Variants in ROBO2 observed in about 807,000 individuals in gnomAD.
ROBO2 encodes the protein roundabout homolog 2.
In ROBO2, 53 loss-of-function variants were observed where a neutral mutation model predicts 160.8. The ratio of observed to expected loss-of-function variants is 0.33; its 90% CI spans 0.26 to 0.41. The LOEUF is 0.41. Among genes scored for constraint, ROBO2 ranks in the 10% least tolerant of loss-of-function variants. The probability of loss-of-function intolerance (pLI) is 1.00; values close to 1 mark genes in which losing one functional copy is unlikely to be tolerated. For synonymous variants in ROBO2, 664 were observed against 611.7 expected, an observed-to-expected ratio of 1.09 and a Z score of -1.26; for missense variants, 1,577 against 1,722.4, an observed-to-expected ratio of 0.92 and a Z score of 1.49.
At chr3:76,803,975 A>G (rs762825486) in intron 2 of ROBO2, among the ~76,000 whole-genome samples, 1 of 152,192 alleles carries the variant, frequency 6.6e-6, no homozygotes, top group Non-Finnish European at 1.5e-5. Flanking sequence ...TCACACTTAC[A>G]TGGCTGGGCA....
chr3:77,145,849 C>G (rs766093869), intron 2 of ROBO2, among the ~76,000 whole-genome samples: 1 of 152,126 alleles, frequency 6.6e-6, no homozygotes, highest in Non-Finnish European at 1.5e-5. Flanking sequence ...GTTCTTCAGT[C>G]CAGTGTGGCA....
At chr3:76,289,105 C>T (rs1304249218) in intron 2 of ROBO2, among the ~76,000 whole-genome samples, 1 of 152,172 alleles carries the variant, frequency 6.6e-6, no homozygotes, top group African/African-American at 2.4e-5. Context: ...AATTTACATT[C>T]CCACCAGTAG....
intron 2 of ROBO2, among the ~76,000 whole-genome samples, chr3:77,010,758 A>G (rs962164359): frequency 6.6e-6 from 1 of 150,570 alleles, no homozygotes; most frequent in Non-Finnish European, 1.5e-5. Flanking sequence ...GTCAGTCTCT[A>G]TCCTCTGATT....
At chr3:76,630,584 G>A (rs9822438) in intron 2 of ROBO2, among the ~76,000 whole-genome samples, 3,792 of 152,134 alleles carry the variant, frequency 0.025, 156 homozygotes, top group African/African-American at 0.087. Flanking sequence ...TTTCATTTAA[G>A]GTAGAAGTTT....
chr3:76,588,449 T>C (rs2086199623), intron 2 of ROBO2, among the ~76,000 whole-genome samples: 1 of 152,224 alleles, frequency 6.6e-6, no homozygotes, highest in Non-Finnish European at 1.5e-5. Flanking sequence ...TAAGCAATAA[T>C]AATTTTCATA....
intron 21 of ROBO2, among the ~76,000 whole-genome samples, chr3:77,614,718 C>A (rs1243072030): frequency 6.7e-6 from 1 of 149,474 alleles, no homozygotes; most frequent in Non-Finnish European, 1.5e-5. Context: ...ATTATTCCCC[C>A]AAAAAACCAA....
intron 2 of ROBO2, among the ~76,000 whole-genome samples, chr3:76,196,066 T>A (rs1305515285): frequency 2.6e-5 from 4 of 152,164 alleles, no homozygotes; most frequent in Non-Finnish European, 5.9e-5. Context: ...ACAAGGAGCC[T>A]GGGTACATCA....
At chr3:77,359,013 C>A (rs2069539278) in intron 2 of ROBO2, among the ~76,000 whole-genome samples, 1 of 152,170 alleles carries the variant, frequency 6.6e-6, no homozygotes, top group South Asian at 2.1e-4. Flanking sequence ...TGACTGAAAG[C>A]CTTAACAGAA....
At chr3:76,256,543 C>A (rs543255280) in intron 2 of ROBO2, among the ~76,000 whole-genome samples, 1 of 151,644 alleles carries the variant, frequency 6.6e-6, no homozygotes, top group Non-Finnish European at 1.5e-5. Flanking sequence ...CCTGTCTCTA[C>A]AAAAAATAAA....
intron 2 of ROBO2, among the ~76,000 whole-genome samples, chr3:76,738,669 G>A (rs2107994615): frequency 6.6e-6 from 1 of 152,272 alleles, no homozygotes; most frequent in South Asian, 2.1e-4. Flanking sequence ...GATAAACACA[G>A]TTTAAATTGG....
At chr3:76,385,447 C>A (rs1437971976) in intron 2 of ROBO2, among the ~76,000 whole-genome samples, 1 of 152,164 alleles carries the variant, frequency 6.6e-6, no homozygotes, top group Non-Finnish European at 1.5e-5. Flanking sequence ...ATCTAGTTTA[C>A]AGAAACTGCA....
chr3:75,945,948 C>T lies in ROBO2; in HGVS notation c.109+8346C>T, dbSNP rs1576252763. ...ATATCTCTAAGTGGATACCTTTTAT[C>T]TCTACAGTCAAGATACTTGAAAGTG... On this transcript the variant is annotated intron_variant, in intron 2 of 26. Transcript: ENST00000487694. Among the ~76,000 whole-genome samples the T allele has an allele frequency of 3.9e-5, 6 of 152,182 alleles. No homozygotes were observed. In the South Asian group the frequency reaches 8.3e-4, roughly 21 times the overall value.
chr3:76,398,546 T>C (rs2077614598), intron 2 of ROBO2, among the ~76,000 whole-genome samples: 2 of 151,910 alleles, frequency 1.3e-5, no homozygotes, highest in African/African-American at 4.8e-5. Context: ...CTGGCAATTT[T>C]ACCACCTAAC....
chr3:76,283,872 GTCTT>G (rs1207745661), intron 2 of ROBO2, among the ~76,000 whole-genome samples: 1 of 151,912 alleles, frequency 6.6e-6, no homozygotes, highest in East Asian at 1.9e-4. Flanking sequence ...ATTACATGGG[GTCTT>G]CTCTATGAAA....
At chr3:77,601,040 A>C (rs1321662837) in intron 19 of ROBO2, among the ~76,000 whole-genome samples, 1 of 152,180 alleles carries the variant, frequency 6.6e-6, no homozygotes, top group African/African-American at 2.4e-5. Context: ...TAAGTTATGC[A>C]GTGTACAAAA....
At chr3:77,053,964 G>A (rs968460015) in intron 1 of ROBO2, among the ~76,000 whole-genome samples, 1 of 152,154 alleles carries the variant, frequency 6.6e-6, no homozygotes, top group African/African-American at 2.4e-5. Context: ...AGGGAGTATT[G>A]CATCACTGAC....
intron 16 of ROBO2, among the ~76,000 whole-genome samples, chr3:77,583,150 TCC>T (rs1317147278): frequency 5.8e-4 from 32 of 55,476 alleles, no homozygotes; most frequent in East Asian, 1.0e-3. Flanking sequence ...ACTCTGTCTC[TCC>T]AAAAAAAAAA....
intron 2 of ROBO2, among the ~76,000 whole-genome samples, chr3:76,482,058 A>G (rs946097938): frequency 2.0e-5 from 3 of 151,950 alleles, no homozygotes; most frequent in Non-Finnish European, 4.4e-5. Flanking sequence ...AAAAGAAAAC[A>G]CCTGATGTGC....
intron 6 of ROBO2, among the ~76,000 whole-genome samples, chr3:77,527,944 A>C (rs1434374160): frequency 6.6e-6 from 1 of 151,576 alleles, no homozygotes; most frequent in Non-Finnish European, 1.5e-5. Flanking sequence ...GTAGATGCTT[A>C]CCCTAAGTGG....
Sources: allele counts gnomAD v4.1 joint callset (sites outside exome capture counted in the v4.1 genomes callset), GRCh38; gene constraint gnomAD v4.1.1; transcripts MANE v1.5; gene names NCBI Gene and HGNC (gene_info 2026-07-23, HGNC 2026-07-21).